KLHL29: variants seen among roughly 807,000 people sequenced by gnomAD.
The protein encoded by KLHL29 is kelch-like protein 29.
Under a neutral mutation model 80.4 loss-of-function variants are expected in KLHL29, and 21 were observed. That is an observed-to-expected ratio of 0.26 (90% CI 0.19 to 0.38). The LOEUF is 0.38. KLHL29 is among the 10% of genes least tolerant of loss of function. KLHL29 has a pLI of 1.00. For synonymous variants in KLHL29, 511 were observed against 526.8 expected (o/e 0.97, Z 0.41); for missense variants, 867 against 1,223.9 (o/e 0.71, Z 4.35).
intron 2 of KLHL29, among the ~76,000 whole-genome samples, chr2:23,493,044 G>A (rs1428478997): frequency 6.6e-5 from 10 of 152,198 alleles, no homozygotes; most frequent in African/African-American, 4.8e-5. Context: ...GCAGTTGGAC[G>A]AGATGATGTT....
chr2:23,474,199 C>T (rs1476760191), intron 1 of KLHL29, among the ~76,000 whole-genome samples: 1 of 152,190 alleles, frequency 6.6e-6, no homozygotes, highest in Non-Finnish European at 1.5e-5. Flanking sequence ...CTCTTTTGTT[C>T]ACTCATGTAT....
At chr2:23,642,287 G>T in intron 4 of KLHL29, 51 bp from the exon 5 acceptor site, 1 of 1,392,398 alleles carries the variant, frequency 7.2e-7, no homozygotes, top group South Asian at 1.9e-5. Flanking sequence ...GTCAGTGTTT[G>T]TTGAATGAAA....
intron 1 of KLHL29, among the ~76,000 whole-genome samples, chr2:23,451,165 AACTGGTTT>A (rs1281511515): frequency 6.6e-6 from 1 of 152,108 alleles, no homozygotes; most frequent in African/African-American, 2.4e-5. Flanking sequence ...CTTACCTAAA[AACTGGTTT>A]GTTTTTAGGT....
intron 5 of KLHL29, among the ~76,000 whole-genome samples, chr2:23,683,809 A>G (rs1321962626): frequency 6.6e-6 from 1 of 152,068 alleles, no homozygotes. Context: ...AAAAGTCCCC[A>G]CAAGTGTGAA....
intron 5 of KLHL29, among the ~76,000 whole-genome samples, chr2:23,645,241 G>T (rs56358527): frequency 6.6e-6 from 1 of 152,092 alleles, no homozygotes; most frequent in Non-Finnish European, 1.5e-5. Flanking sequence ...TAAGAAACCC[G>T]AATTTTGAAA....
chr2:23,495,212 G>A (rs182881957), intron 2 of KLHL29, among the ~76,000 whole-genome samples: 2 of 152,204 alleles, frequency 1.3e-5, no homozygotes, highest in African/African-American at 4.8e-5. Context: ...TAAGGGAAAT[G>A]GTAAAAGATG....
chr2:23,555,129 C>G lies in KLHL29; in HGVS notation c.-45-7023C>G, dbSNP rs556412296. ...TTTATGGAGGATGACCTCCCCCCCC[C>G]CCTCAACTTGTGTCTCCCAGTGTCC... On this transcript the variant is annotated intron_variant, in intron 2 of 13. Coordinates refer to ENST00000486442, the MANE Select transcript of KLHL29 (RefSeq NM_052920.2). 2.6e-3 allele frequency among the ~76,000 whole-genome samples: 384 copies of G among 147,086 alleles called. 2 individuals are homozygous for G. Among genetic ancestry groups the G allele is most frequent in the African/African-American group, 9.1e-3 (347 of 38,202 alleles).
intron 6 of KLHL29, among the ~76,000 whole-genome samples, chr2:23,687,956 C>T (rs945878229): frequency 2.0e-5 from 3 of 152,122 alleles, no homozygotes; most frequent in Non-Finnish European, 4.4e-5. Flanking sequence ...TCCCAGCCTG[C>T]GGCCGAGTCC....
At chr2:23,447,550 A>G (rs1663734608) in intron 1 of KLHL29, among the ~76,000 whole-genome samples, 1 of 152,162 alleles carries the variant, frequency 6.6e-6, no homozygotes, top group Non-Finnish European at 1.5e-5. Flanking sequence ...TGCATCACAA[A>G]TCAGTCTGCT....
chr2:23,424,276 G>A (rs1412388035), intron 1 of KLHL29, among the ~76,000 whole-genome samples: 1 of 152,200 alleles, frequency 6.6e-6, no homozygotes, highest in African/African-American at 2.4e-5. Flanking sequence ...CTCTGAGTGT[G>A]CACGTGTGCA....
intron 3 of KLHL29, among the ~76,000 whole-genome samples, chr2:23,565,593 C>G (rs773937858): frequency 6.6e-6 from 1 of 151,724 alleles, no homozygotes; most frequent in Non-Finnish European, 1.5e-5. Flanking sequence ...GAGTTTAAAG[C>G]TTTTTTCAGC....
chr2:23,490,117 C>G (rs1294203499), intron 2 of KLHL29, among the ~76,000 whole-genome samples: 1 of 152,222 alleles, frequency 6.6e-6, no homozygotes, highest in Non-Finnish European at 1.5e-5. Context: ...CGCATACATT[C>G]TCTGGAGGAT....
rs73919788 is a variant in KLHL29 at position 23,616,166 on chromosome 2, C to T, written c.286-22973C>T. ...TAGTAGCAGCCTGACCATGAGGTTA[C>T]ACCCCTTACCCTGTCCTCCCACACT... On this transcript the variant is annotated intron_variant, in intron 3 of 13. Coordinates refer to ENST00000486442, the MANE Select transcript of KLHL29 (RefSeq NM_052920.2). 3.7e-3 allele frequency among the ~76,000 whole-genome samples: 565 copies of T among 152,310 alleles called. 1 individual carries two copies. Among genetic ancestry groups the T allele is most frequent in the African/African-American group, 0.013 (534 of 41,564 alleles).
At chr2:23,420,545 C>T (rs1035089777) in intron 1 of KLHL29, among the ~76,000 whole-genome samples, 2 of 152,160 alleles carry the variant, frequency 1.3e-5, no homozygotes, top group Non-Finnish European at 2.9e-5. Flanking sequence ...CAGATTCTGC[C>T]GCACCTTTCT....
intron 5 of KLHL29, among the ~76,000 whole-genome samples, chr2:23,683,611 G>C (rs904617239): frequency 1.7e-4 from 26 of 152,226 alleles, no homozygotes; most frequent in Non-Finnish European, 7.3e-5. Flanking sequence ...CCAGGTCCAA[G>C]ACACCGGGCA....
intron 5 of KLHL29, chr2:23,667,226 A>G (rs1670577785): frequency 6.6e-6 from 1 of 152,178 alleles, no homozygotes; most frequent in Admixed American, 6.5e-5. Context: ...GTGTGTATTT[A>G]TTTGCATTCA....
At chr2:23,430,888 G>A (rs1174538462) in intron 1 of KLHL29, among the ~76,000 whole-genome samples, 1 of 152,246 alleles carries the variant, frequency 6.6e-6, no homozygotes, top group Non-Finnish European at 1.5e-5. Context: ...AGAGTGCTGT[G>A]TCTATAAACT....
At chr2:23,602,292 A>G (rs1428248828) in intron 3 of KLHL29, among the ~76,000 whole-genome samples, 1 of 152,154 alleles carries the variant, frequency 6.6e-6, no homozygotes. Flanking sequence ...CCCCTGCCCC[A>G]GGGCCTGCCC....
At chr2:23,479,282 C>T (rs768060591) in intron 2 of KLHL29, among the ~76,000 whole-genome samples, 10 of 151,912 alleles carry the variant, frequency 6.6e-5, no homozygotes, top group Non-Finnish European at 1.0e-4. Flanking sequence ...GAACCTCAGC[C>T]GAACCCTCAG....
Sources: gnomAD v4.1 joint callset for allele counts (sites outside exome capture counted in the v4.1 genomes callset) on GRCh38, gnomAD v4.1.1 for gene constraint, MANE v1.5 for transcripts, NCBI Gene and HGNC (gene_info 2026-07-23, HGNC 2026-07-21) for gene names.